IGF2R: variants seen among roughly 807,000 people sequenced by gnomAD.
IGF2R encodes cation-independent mannose-6-phosphate receptor.
In IGF2R, 91 loss-of-function variants were observed where a neutral mutation model predicts 270.6. The observed-to-expected ratio is 0.34, with a 90% CI of 0.28 to 0.40. The LOEUF is 0.40. Ranked by LOEUF, IGF2R falls within the 10% of genes least tolerant of loss-of-function variation. The pLI is 1.00. For synonymous variants in IGF2R, 1,316 were observed against 1,258.9 expected (o/e 1.05, Z -0.96); for missense variants, 2,805 against 3,188.3 (o/e 0.88, Z 2.90).
intron 39 of IGF2R, among the ~76,000 whole-genome samples, chr6:160,081,272 A>AT (rs1241014573): frequency 6.6e-6 from 1 of 152,084 alleles, no homozygotes; most frequent in East Asian, 1.9e-4. Context: ...AAAGAGAGAA[A>AT]TTTTAAAGCT....
chr6:160,062,323 G>A (rs1404411870), intron 25 of IGF2R, among the ~76,000 whole-genome samples: 2 of 151,784 alleles, frequency 1.3e-5, no homozygotes, highest in African/African-American at 2.4e-5. Context: ...ACAGGCACCT[G>A]CCACCACGCC....
intron 19 of IGF2R, among the ~76,000 whole-genome samples, chr6:160,055,002 A>C (rs1354542861): frequency 4.5e-4 from 69 of 151,674 alleles, no homozygotes; most frequent in Non-Finnish European, 1.5e-5. Flanking sequence ...CCTGAGAGAC[A>C]CTTCCTTTAG....
In IGF2R at chr6:159,975,720, A is replaced by T. The variant is rs962723168; in HGVS notation, c.149+6325A>T. The stretch of plus-strand genomic sequence containing the variant: ...TATATATAAAGTATATGTATTGTGT[A>T]TATATTATATAAGCATATTTATTAT... On this transcript the variant is annotated intron_variant, in intron 1 of 47. Coordinates refer to ENST00000356956, the MANE Select transcript of IGF2R (RefSeq NM_000876.4). 1.2e-4 allele frequency among the ~76,000 whole-genome samples: 17 copies of T among 146,888 alleles called. 1 individual carries two copies. The South Asian group carries it at 3.6e-3, about 31-fold the overall frequency.
At position 160,059,554 on chromosome 6, in the gene IGF2R, G is replaced by T. The variant is rs369124426; in HGVS notation, c.3091+456G>T. 3.3e-5 allele frequency among the ~76,000 whole-genome samples: 5 copies of T among 152,288 alleles called. No individual in the cohort carries two copies. The East Asian group carries it at 7.7e-4, about 23-fold the overall frequency. On this transcript the variant is annotated intron_variant, in intron 22 of 47. Coordinates refer to ENST00000356956, the MANE Select transcript of IGF2R (RefSeq NM_000876.4). ...ACATATCCCCCCGCAGATAAGGGGG[G>T]CTGCTGTAGCCTGTATTCAACACAG...
At chr6:160,034,333 A>T in intron 9 of IGF2R, 86 bp from the exon 10 acceptor site, 1 of 812,400 alleles carries the variant, frequency 1.2e-6, no homozygotes. Flanking sequence ...TGCTACGCAA[A>T]AGGCTTAATG....
chr6:159,991,136 T>G lies in IGF2R; in HGVS notation c.150-48T>G, dbSNP rs577644602. On this transcript the variant is annotated intron_variant, in intron 1 of 47. Transcript: ENST00000356956. The stretch of plus-strand genomic sequence containing the variant: ...TGAATAAAACTAGAGAGAAGTTTAA[T>G]TTTTGATAAATCAGTGACATTGACA... The G allele has an allele frequency of 5.8e-6, 9 of 1,556,348 alleles. No individual in the cohort carries two copies. The South Asian group carries it at 8.2e-5, about 14-fold the overall frequency.
At chr6:160,019,390 C>T (rs1370560227) in intron 4 of IGF2R, among the ~76,000 whole-genome samples, 1 of 152,112 alleles carries the variant, frequency 6.6e-6, no homozygotes, top group Admixed American at 6.5e-5. Context: ...CTCCCAGAGG[C>T]ACAGGGAAGA....
chr6:160,092,785 CTG>C (rs997443832), intron 44 of IGF2R, among the ~76,000 whole-genome samples: 129 of 152,328 alleles, frequency 8.5e-4, no homozygotes, highest in African/African-American at 2.9e-3. Flanking sequence ...TGGGCCCCAT[CTG>C]TGTGTGGACA....
At chr6:160,032,479 T>C (rs906911620) in intron 7 of IGF2R, 72 bp from the exon 8 acceptor site, 8 of 1,410,880 alleles carry the variant, frequency 5.7e-6, no homozygotes, top group African/African-American at 1.4e-5. Context: ...GAGCTTTTCA[T>C]AAGTGTGGAA....
chr6:159,996,343 T>G (rs1784053510), intron 2 of IGF2R, among the ~76,000 whole-genome samples: 1 of 152,114 alleles, frequency 6.6e-6, no homozygotes, highest in African/African-American at 2.4e-5. Flanking sequence ...GGTCTATGAG[T>G]CTCTGTGCTT....
At chr6:159,988,480 T>C (rs1170512736) in intron 1 of IGF2R, among the ~76,000 whole-genome samples, 2 of 119,754 alleles carry the variant, frequency 1.7e-5, no homozygotes, top group African/African-American at 6.7e-5. Context: ...GCCACTGCAC[T>C]CCAGCCTGGG....
intron 2 of IGF2R, among the ~76,000 whole-genome samples, chr6:159,992,521 T>A (rs1046920736): frequency 1.3e-5 from 2 of 152,064 alleles, no homozygotes; most frequent in African/African-American, 4.8e-5. Flanking sequence ...ATTGTTCAAT[T>A]CATGTTGCTG....
At chr6:160,072,960 ATGGC>A in intron 33 of IGF2R, 76 bp downstream of exon 33, 3 of 1,527,362 alleles carry the variant, frequency 2.0e-6, no homozygotes, top group Admixed American at 2.1e-5. Context: ...TTGCATGCTA[ATGGC>A]AAAAAGGATG....
chr6:159,995,191 CT>C (rs995987690), intron 2 of IGF2R, among the ~76,000 whole-genome samples: 30 of 148,020 alleles, frequency 2.0e-4, no homozygotes, highest in South Asian at 6.4e-4. Flanking sequence ...ATTTAATGGT[CT>C]TTTTTTTTTC....
chr6:160,069,962 C>T lies in IGF2R; in HGVS notation c.4347C>T (p.Gly1449=), dbSNP rs144723568. ...GGGACGGACCTCAGTGGAGAGATGG[C>T]ATAATTGTCCTGAAATACGTTGATG... ...RVRDGPQWRD[G]IIVLKYVDGD... Residue 1449 remains glycine (G), a synonymous_variant, in exon 31 of 48, where the codon GGC becomes GGT. Transcript: ENST00000356956. 1.6e-3 allele frequency: 2,608 copies of T among 1,614,172 alleles called. 9 individuals carry two copies. The highest frequency in any genetic ancestry group is 2.0e-3 in the Non-Finnish European group (2,393 of 1,180,014).
At chr6:160,066,731 A>G (rs1387613144) in intron 29 of IGF2R, among the ~76,000 whole-genome samples, 1 of 152,118 alleles carries the variant, frequency 6.6e-6, no homozygotes, top group African/African-American at 2.4e-5. Context: ...AAAAGATGAA[A>G]GCTGTCCTCA....
chr6:160,065,069 G>A (rs186537067), intron 29 of IGF2R, among the ~76,000 whole-genome samples, 168 bp downstream of exon 29: 17 of 152,280 alleles, frequency 1.1e-4, no homozygotes, highest in East Asian at 3.9e-4. Context: ...TCTCAGCTCC[G>A]TCACCACCTG....
Position 160,102,612 on chromosome 6 carries a change from G to T in IGF2R, c.6936G>T (p.Leu2312=). 6.2e-7 allele frequency: 1 copy of T among 1,613,436 alleles called. No individual in the cohort carries two copies. Among genetic ancestry groups the T allele is most frequent in the Non-Finnish European group, 8.5e-7 (1 of 1,179,602 alleles). The change falls in exon 46 of 48, where the codon CTG becomes CTT. Residue 2312 remains leucine, a synonymous_variant. Coordinates refer to ENST00000356956, the MANE Select transcript of IGF2R (RefSeq NM_000876.4). The surrounding 1 kb of genome is among the most constrained non-coding windows in gnomAD (Gnocchi z 4.5). ...RSQAVGAVLS[L]LLVALTCCLL... ...AGGCAGTCGGCGCGGTGCTCAGCCT[G>T]CTGCTGGTGGCGCTCACCTGCTGCC...
intron 16 of IGF2R, among the ~76,000 whole-genome samples, 176 bp from the exon 17 acceptor site, chr6:160,047,616 A>T: frequency 6.6e-6 from 1 of 152,308 alleles, no homozygotes; most frequent in Non-Finnish European, 1.5e-5. Flanking sequence ...CTAAATTTTC[A>T]TCCTGATTTG....
Sources: allele counts gnomAD v4.1 joint callset (sites outside exome capture counted in the v4.1 genomes callset), GRCh38; gene constraint gnomAD v4.1.1; non-coding constraint Gnocchi (gnomAD v3.1); transcripts MANE v1.5; gene names NCBI Gene and HGNC (gene_info 2026-07-23, HGNC 2026-07-21).